The following PGM2 variants were observed in gnomAD, a reference collection of about 807,000 sequenced individuals.
The protein encoded by PGM2 is phosphoglucomutase 2, also known as phosphopentomutase.
Under a neutral mutation model 74.6 loss-of-function variants are expected in PGM2, and 57 were observed. The ratio of observed to expected loss-of-function variants is 0.76; its 90% CI spans 0.62 to 0.95. The LOEUF is 0.95. Ranked by LOEUF, PGM2 falls within the 40% of genes least tolerant of loss-of-function variation. The probability of loss-of-function intolerance (pLI) is 0.00; values close to 1 mark genes in which losing one functional copy is unlikely to be tolerated. For missense variants in PGM2, 706 were observed against 741.9 expected (o/e 0.95, Z 0.56); for synonymous variants, 273 against 260.7 (o/e 1.05, Z -0.46).
At chr4:37,833,963 A>G (rs1725500599) in intron 2 of PGM2, among the ~76,000 whole-genome samples, 1 of 152,138 alleles carries the variant, frequency 6.6e-6, no homozygotes, top group East Asian at 1.9e-4. Context: ...CCAGCCCTGG[A>G]TACAAATCCA....
rs991837763 is a variant in PGM2 at position 37,861,740 on chromosome 4, A to G, written c.*128A>G. ...ATTTATGTGTTTTACAAAGACCTAC[A>G]TTCCTCATTGTTTCATGTTTGACCT... On this transcript the variant is annotated 3_prime_UTR_variant, in exon 14 of 14. Transcript: ENST00000381967. The G allele has an allele frequency of 1.8e-6, 1 of 556,386 alleles. No homozygotes were observed. Among genetic ancestry groups the G allele is most frequent in the Non-Finnish European group, 3.3e-6 (1 of 303,476 alleles). The allele number at this position is 556,386 out of a possible 1,614,324, so 34.5% of individuals were successfully genotyped here.
rs1265563762 is a variant in PGM2, at chr4:37,848,669, C to G, written c.1412+18C>G. On this transcript the variant is annotated intron_variant, in intron 11 of 13. Coordinates refer to ENST00000381967, the MANE Select transcript of PGM2 (RefSeq NM_018290.4). Reference sequence around the variant, plus strand: ...TATGTGGAGTAAGTTGTTATTGACTCTGTTGGATTGAAATAATATTTTGAA... The same window carrying G: ...TATGTGGAGTAAGTTGTTATTGACTGTGTTGGATTGAAATAATATTTTGAA... 4 of 1,580,968 alleles carry G rather than the reference C, an allele frequency of 2.5e-6. No individual in the cohort carries two copies. The Admixed American group carries it at 5.2e-5, about 20-fold the overall frequency.
intron 6 of PGM2, among the ~76,000 whole-genome samples, chr4:37,842,135 TA>T (rs1342910517): frequency 6.7e-6 from 1 of 150,014 alleles, no homozygotes. Flanking sequence ...CTTTTATATT[TA>T]TAAACATCTT....
rs568007366 is a variant in PGM2 at position 37,861,904 on chromosome 4, C to T, written c.*292C>T. On this transcript the variant is annotated 3_prime_UTR_variant, in exon 14 of 14. Transcript: ENST00000381967. ...AAAAAAATAGATTGTAATTGATGTGCCTTAATTTGCATAAATCATAAATGT... is the reference window on the plus strand; with the variant it reads ...AAAAAAATAGATTGTAATTGATGTGTCTTAATTTGCATAAATCATAAATGT... 1.5e-3 allele frequency: 405 copies of T among 278,964 alleles called. 2 individuals are homozygous for T. Among genetic ancestry groups the T allele is most frequent in the African/African-American group, 8.1e-3 (379 of 46,854 alleles). The allele number at this position is 278,964 out of a possible 1,614,324, so 17.3% of individuals were successfully genotyped here.
rs117262190 is a variant in PGM2 at position 37,831,863 on chromosome 4, G to A, written c.249+1732G>A. On this transcript the variant is annotated intron_variant, in intron 2 of 13. Transcript: ENST00000381967. ...TGATGTCACATTGTAAGAGGAACATGTGAGATGGCTTATATTACTGGGGCC... is the reference window on the plus strand; with the variant it reads ...TGATGTCACATTGTAAGAGGAACATATGAGATGGCTTATATTACTGGGGCC... Among the ~76,000 whole-genome samples the A allele has an allele frequency of 7.6e-4, 116 of 152,330 alleles. 1 individual carries two copies. Among genetic ancestry groups the A allele is most frequent in the East Asian group, 6.4e-3 (33 of 5,186 alleles).
chr4:37,847,823 G>C (rs958008672), intron 10 of PGM2, among the ~76,000 whole-genome samples: 21 of 152,216 alleles, frequency 1.4e-4, no homozygotes, highest in African/African-American at 3.9e-4. Flanking sequence ...AGGAGAACTA[G>C]CTATAGAAAT....
intron 1 of PGM2, among the ~76,000 whole-genome samples, chr4:37,827,918 G>T (rs1307669784): frequency 6.6e-6 from 1 of 152,182 alleles, no homozygotes; most frequent in Non-Finnish European, 1.5e-5. Context: ...AAATTATGTG[G>T]CCAGGCCTCT....
At chr4:37,833,592 C>G (rs1208214561) in intron 2 of PGM2, among the ~76,000 whole-genome samples, 1 of 152,092 alleles carries the variant, frequency 6.6e-6, no homozygotes, top group African/African-American at 2.4e-5. Flanking sequence ...TTTAATAAGA[C>G]TTCCTTTAGC....
intron 4 of PGM2, 126 bp downstream of exon 4, chr4:37,837,739 A>G: frequency 1.4e-6 from 1 of 710,034 alleles, no homozygotes; most frequent in East Asian, 2.5e-5. Context: ...CTTGGCATGT[A>G]TGAGACATTT....
intron 1 of PGM2, among the ~76,000 whole-genome samples, chr4:37,828,223 A>G (rs2152173685): frequency 6.6e-6 from 1 of 152,312 alleles, no homozygotes; most frequent in East Asian, 1.9e-4. Flanking sequence ...AGAGTACAGA[A>G]TTCTTTTGAA....
In PGM2 at chr4:37,848,622, GT is replaced by G; in HGVS notation, c.1384del (p.Ser462LeufsTer4). 6.2e-7 allele frequency: 1 copy of G among 1,613,844 alleles called. No homozygotes were observed. Among genetic ancestry groups the G allele is most frequent in the Non-Finnish European group, 8.5e-7 (1 of 1,179,724 alleles). ...SFLATKNLSL[S>X]QQLKAIYVEY... ...TCCTAGCAACCAAGAATTTGTCTTT[GT>G]CTCAGCAACTAAAGGCCATTTATGT... On this transcript the variant is annotated frameshift_variant, in exon 11 of 14. Transcript: ENST00000381967. LOFTEE classifies it high-confidence loss of function.
chr4:37,826,876 C>G (rs975758755), intron 1 of PGM2, 63 bp downstream of exon 1: 2 of 1,044,458 alleles, frequency 1.9e-6, no homozygotes, highest in African/African-American at 3.2e-5. Context: ...CCTCTCCAGG[C>G]GCGGCGCTGC....
intron 13 of PGM2, 81 bp from the exon 14 acceptor site, chr4:37,861,429 C>T: frequency 1.2e-6 from 1 of 855,190 alleles, no homozygotes; most frequent in Non-Finnish European, 2.0e-6. Flanking sequence ...TTTTCATTGT[C>T]ACTTGGTCAA....
At chr4:37,839,389 A>G in intron 4 of PGM2, 1 of 362,622 alleles carries the variant, frequency 2.8e-6, no homozygotes, top group Non-Finnish European at 5.4e-6. Flanking sequence ...TGGTGGGATT[A>G]CAGGCGTGAG....
rs115269276 is a variant in PGM2, at chr4:37,835,414, A to G, written c.356+690A>G. On this transcript the variant is annotated intron_variant, in intron 3 of 13. Transcript: ENST00000381967. ...CCACTACTCACCTCTCCCATGAAGC[A>G]GAGAAACATCCATCGACAATGCATA... is the stretch of plus-strand genomic sequence containing the variant. Among the ~76,000 whole-genome samples the G allele has an allele frequency of 2.5e-3, 388 of 152,300 alleles. 2 individuals carry two copies. Among genetic ancestry groups the G allele is most frequent in the African/African-American group, 8.6e-3 (358 of 41,564 alleles).
At chr4:37,836,963 G>A (rs773234150) in intron 3 of PGM2, among the ~76,000 whole-genome samples, 3 of 152,028 alleles carry the variant, frequency 2.0e-5, no homozygotes, top group South Asian at 2.1e-4. Context: ...TGTGGTGTAC[G>A]CTGGATTGTG....
chr4:37,828,873 T>C (rs1725364868), intron 1 of PGM2, among the ~76,000 whole-genome samples: 1 of 152,124 alleles, frequency 6.6e-6, no homozygotes, highest in Non-Finnish European at 1.5e-5. Context: ...GGTAAGACTG[T>C]GTTCTGTAAT....
chr4:37,826,857 G>T, intron 1 of PGM2, 44 bp downstream of exon 1: 1 of 1,293,464 alleles, frequency 7.7e-7, no homozygotes, highest in Non-Finnish European at 1.1e-6. Context: ...GCGGGGCCGG[G>T]TGCTCTGCCC....
rs1029786515 is a variant in PGM2, at chr4:37,826,824, C to A, written c.81+11C>A. The stretch of plus-strand genomic sequence containing the variant: ...CTGCGCTGGGACAAGGTGAGGGGCA[C>A]CAGCAGGCGGGGAGCGCCTGGAGCG... On this transcript the variant is annotated intron_variant, in intron 1 of 13. Transcript: ENST00000381967. 10 of 1,531,286 alleles carry A rather than the reference C, an allele frequency of 6.5e-6. No individual in the cohort carries two copies. In the Admixed American group the frequency reaches 2.0e-4, roughly 30 times the overall value. The allele number at this position is 1,531,286 out of a possible 1,614,324, so 94.9% of individuals were successfully genotyped here. A position where few individuals can be genotyped will look rare whatever the true frequency, so the allele number is the denominator to read the frequency against.
Sources: allele counts gnomAD v4.1 joint callset (sites outside exome capture counted in the v4.1 genomes callset), GRCh38; gene constraint gnomAD v4.1.1; transcripts MANE v1.5; gene names NCBI Gene and HGNC (gene_info 2026-07-23, HGNC 2026-07-21).